The following ACVR2A variants were observed in gnomAD, a reference collection of about 807,000 sequenced individuals.
ACVR2A encodes the protein activin receptor type-2A.
Under a neutral mutation model 61.4 loss-of-function variants are expected in ACVR2A, and 7 were observed. The ratio of observed to expected loss-of-function variants is 0.11; its 90% CI spans 0.06 to 0.21. The LOEUF is 0.21. Among genes scored for constraint, ACVR2A ranks in the 10% least tolerant of loss-of-function variants. The probability of loss-of-function intolerance (pLI) is 1.00; values close to 1 mark genes in which losing one functional copy is unlikely to be tolerated. For missense variants in ACVR2A, 322 were observed against 621.7 expected (o/e 0.52, Z 5.13); for synonymous variants, 193 against 208.3 (o/e 0.93, Z 0.63).
rs1222561603 is a variant in ACVR2A, at chr2:147,928,928, A to T, written c.*1654A>T. 2.0e-5 allele frequency: 3 copies of T among 152,418 alleles called. No homozygotes were observed. The highest frequency in any genetic ancestry group is 4.4e-5 in the Non-Finnish European group (3 of 67,938). The allele number at this position is 152,418 out of a possible 1,614,324, so 9.4% of individuals were successfully genotyped here. ...AAATCCATGTTAATTTTATAAAAGA[A>T]TTTTTTACATGTCACTGTCAGGAGC... On this transcript the variant is annotated 3_prime_UTR_variant, in exon 11 of 11. Transcript: ENST00000241416.
In ACVR2A at chr2:147,920,472, A is replaced by G. The variant is rs113789278; in HGVS notation, c.1077+128A>G. On this transcript the variant is annotated intron_variant, in intron 8 of 10. Coordinates refer to ENST00000241416, the MANE Select transcript of ACVR2A (RefSeq NM_001616.5). The stretch of plus-strand genomic sequence containing the variant: ...AAATCAGCATCTAATAGAGTTATCA[A>G]AGTTTCTGAGGAAGACATTTTCATA... 2.5e-3 allele frequency: 1,784 copies of G among 704,748 alleles called. 24 individuals carry two copies. In the African/African-American group the frequency reaches 0.027, roughly 11 times the overall value. 43.7% of individuals were successfully genotyped at this position (704,748 alleles called of 1,614,324 possible).
chr2:147,924,329 CAGTTT>C (rs1252585266), intron 9 of ACVR2A, among the ~76,000 whole-genome samples: 2 of 151,914 alleles, frequency 1.3e-5, no homozygotes, highest in African/African-American at 4.8e-5. Context: ...AAGTAATATA[CAGTTT>C]AGTTAGGGCA....
At chr2:147,898,743 C>T (rs530151049) in intron 2 of ACVR2A, among the ~76,000 whole-genome samples, 2 of 152,022 alleles carry the variant, frequency 1.3e-5, no homozygotes, top group South Asian at 4.1e-4. Flanking sequence ...ACTTAAGGTC[C>T]TATATAAAAG....
At chr2:147,890,917 C>T (rs2161984) in intron 1 of ACVR2A, among the ~76,000 whole-genome samples, 49,497 of 151,800 alleles carry the variant, frequency 0.33, 8,319 homozygotes, top group East Asian at 0.51. Context: ...CAGCATTCCC[C>T]GTAAGCCATT....
intron 8 of ACVR2A, among the ~76,000 whole-genome samples, chr2:147,922,685 G>A (rs542347141): frequency 2.6e-5 from 4 of 151,836 alleles, no homozygotes; most frequent in Non-Finnish European, 4.4e-5. Flanking sequence ...AGTATGCAAA[G>A]GTACAGTTGA....
At chr2:147,907,491 C>T (rs921310975) in intron 4 of ACVR2A, among the ~76,000 whole-genome samples, 12 of 152,294 alleles carry the variant, frequency 7.9e-5, no homozygotes, top group South Asian at 4.1e-4. Flanking sequence ...TCCACAGCCT[C>T]GCCAGCACCT....
chr2:147,876,482 T>C (rs988345416), intron 1 of ACVR2A, among the ~76,000 whole-genome samples: 2 of 151,978 alleles, frequency 1.3e-5, no homozygotes, highest in African/African-American at 2.4e-5. Context: ...AAGGTTGAGG[T>C]ATATGCCATA....
intron 1 of ACVR2A, among the ~76,000 whole-genome samples, chr2:147,869,315 T>C (rs1192024661): frequency 1.3e-5 from 2 of 152,214 alleles, no homozygotes; most frequent in African/African-American, 4.8e-5. Flanking sequence ...AGTGTTGAAA[T>C]TGATTTTGCA....
At chr2:147,861,664 T>C (rs1209453424) in intron 1 of ACVR2A, among the ~76,000 whole-genome samples, 3 of 152,116 alleles carry the variant, frequency 2.0e-5, no homozygotes, top group Non-Finnish European at 4.4e-5. Context: ...TATTTTGAAA[T>C]ATTGAAATAT....
At chr2:147,857,177 A>G (rs548733665) in intron 1 of ACVR2A, among the ~76,000 whole-genome samples, 6 of 152,164 alleles carry the variant, frequency 3.9e-5, no homozygotes, top group African/African-American at 1.4e-4. Flanking sequence ...GTTATACTTT[A>G]TTTTCCTTTT....
chr2:147,873,557 G>A (rs936860358), intron 1 of ACVR2A, among the ~76,000 whole-genome samples: 94 of 151,866 alleles, frequency 6.2e-4, no homozygotes, highest in Admixed American at 3.3e-4. Flanking sequence ...GTGAAATTGT[G>A]ATGATGCCAG....
In ACVR2A at chr2:147,845,085, C is replaced by A. The variant is rs1420022257; in HGVS notation, c.-68C>A. On this transcript the variant is annotated 5_prime_UTR_variant, in exon 1 of 11. Transcript: ENST00000241416. ...TGATTTTACACCAGGAGGTTTGTCT[C>A]CGAGGAAGACCCAGGGAACTGGATA... is the stretch of plus-strand genomic sequence containing the variant. 7 of 1,278,828 alleles carry A rather than the reference C, an allele frequency of 5.5e-6. No homozygotes were observed. In the East Asian group the frequency reaches 2.9e-4, roughly 53 times the overall value. 79.2% of individuals were successfully genotyped at this position (1,278,828 alleles called of 1,614,324 possible).
At chr2:147,923,451 G>T (rs1687433777) in intron 9 of ACVR2A, among the ~76,000 whole-genome samples, 1 of 152,058 alleles carries the variant, frequency 6.6e-6, no homozygotes, top group African/African-American at 2.4e-5. Flanking sequence ...CCTCAAACTG[G>T]TGAATGATGA....
intron 1 of ACVR2A, among the ~76,000 whole-genome samples, chr2:147,863,373 G>C (rs998357989): frequency 1.3e-5 from 2 of 152,268 alleles, no homozygotes; most frequent in African/African-American, 4.8e-5. Flanking sequence ...TACACTGCTT[G>C]ACCCTTGAAC....
rs557835306 is a variant in ACVR2A at position 147,895,930 on chromosome 2, A to G, written c.56-371A>G. On this transcript the variant is annotated intron_variant, in intron 1 of 10. Coordinates refer to ENST00000241416, the MANE Select transcript of ACVR2A (RefSeq NM_001616.5). ...CTTACCCCTGAGTTGTTAGGGGTCA[A>G]CTGTAGTCACTATGCAGCAGAGTTA... 4.2e-4 allele frequency among the ~76,000 whole-genome samples: 64 copies of G among 152,188 alleles called. No individual in the cohort carries two copies. The South Asian group carries it at 7.5e-3, about 18-fold the overall frequency.
chr2:147,917,667 T>C (rs551222163), intron 6 of ACVR2A, among the ~76,000 whole-genome samples: 1 of 152,132 alleles, frequency 6.6e-6, no homozygotes, highest in East Asian at 1.9e-4. Context: ...TTGTTCCTTA[T>C]TTCTTGTGCT....
At position 147,927,336 on chromosome 2, in the gene ACVR2A, A is replaced by G. The variant is rs566531448; in HGVS notation, c.*62A>G. 167 of 1,449,618 alleles carry G rather than the reference A, an allele frequency of 1.2e-4. No individual in the cohort carries two copies. In the African/African-American group the frequency reaches 2.0e-3, roughly 17 times the overall value. 89.8% of individuals were successfully genotyped at this position (1,449,618 alleles called of 1,614,324 possible). A position where few individuals can be genotyped will look rare whatever the true frequency, so the allele number is the denominator to read the frequency against. ...CTGAACTGGAGCTGCTAAGCTAAAG[A>G]AACTGCTTACAGTTTATTTTCTGTG... On this transcript the variant is annotated 3_prime_UTR_variant, in exon 11 of 11. Transcript: ENST00000241416.
chr2:147,926,968 C>A, intron 10 of ACVR2A, 112 bp from the exon 11 acceptor site: 3 of 1,017,300 alleles, frequency 2.9e-6, no homozygotes, highest in South Asian at 1.6e-5. Flanking sequence ...TGAATGTTGA[C>A]AGAAACTTCT....
At chr2:147,908,102 A>G (rs1215378952) in intron 4 of ACVR2A, among the ~76,000 whole-genome samples, 1 of 152,004 alleles carries the variant, frequency 6.6e-6, no homozygotes, top group Non-Finnish European at 1.5e-5. Context: ...ATCAAAGTAT[A>G]TAAACTACAT....
Sources: allele counts gnomAD v4.1 joint callset (sites outside exome capture counted in the v4.1 genomes callset), GRCh38; gene constraint gnomAD v4.1.1; transcripts MANE v1.5; gene names NCBI Gene and HGNC (gene_info 2026-07-23, HGNC 2026-07-21).